Variants in PDZK1 observed in about 807,000 individuals in gnomAD.
The protein encoded by PDZK1 is PDZ domain containing 1.
PDZK1 carries 23 observed loss-of-function variants against 38.1 expected under a neutral mutation model. The observed-to-expected ratio is 0.60, with a 90% CI of 0.43 to 0.85. The LOEUF (loss-of-function observed/expected upper bound fraction) is 0.85. PDZK1 is among the 40% of genes least tolerant of loss of function. PDZK1 has a pLI of 0.00. For synonymous variants in PDZK1, 98 were observed against 186.2 expected (o/e 0.53, Z 3.86); for missense variants, 297 against 504.3 (o/e 0.59, Z 3.94).
At chr1:145,701,008 C>T (rs1655925262) in intron 1 of PDZK1, among the ~76,000 whole-genome samples, 1 of 151,980 alleles carries the variant, frequency 6.6e-6, no homozygotes, top group Non-Finnish European at 1.5e-5. Context: ...AGTTTGAGAC[C>T]AGCCTGACCA....
rs148152452 is a variant in PDZK1 at position 145,696,596 on chromosome 1, G to A, written c.-2-8573C>T. On this transcript the variant is annotated intron_variant, in intron 1 of 8. Transcript: ENST00000417171. ...GGGAGAAGACAGGAGAGGGGCCTCCGAGGACCCAAACCTGTTGACACCTTG... is the reference window on the plus strand; with the variant it reads ...GGGAGAAGACAGGAGAGGGGCCTCCAAGGACCCAAACCTGTTGACACCTTG... Among the ~76,000 whole-genome samples, 11 of 152,292 alleles carry A rather than the reference G, an allele frequency of 7.2e-5. No individual in the cohort carries two copies. In the South Asian group the frequency reaches 8.3e-4, roughly 11 times the overall value.
At chr1:145,684,207 C>CTTTTTT (rs1162290584) in intron 3 of PDZK1, among the ~76,000 whole-genome samples, 1 of 120,092 alleles carries the variant, frequency 8.3e-6, no homozygotes, top group East Asian at 2.3e-4. Flanking sequence ...GCATTTTTGG[C>CTTTTTT]TTTTTTTTTT....
chr1:145,676,019 A>G (rs188958216), intron 6 of PDZK1: 53 of 178,108 alleles, frequency 3.0e-4, no homozygotes, highest in African/African-American at 1.3e-3. Context: ...CTCTGTCTCA[A>G]AAAAAAAAAA....
At chr1:145,690,589 T>G (rs1396060133) in intron 1 of PDZK1, among the ~76,000 whole-genome samples, 1 of 152,216 alleles carries the variant, frequency 6.6e-6, no homozygotes, top group Non-Finnish European at 1.5e-5. Context: ...ACAGATACTA[T>G]GTTTTCATCA....
At chr1:145,697,458 A>G (rs1305545665) in intron 1 of PDZK1, among the ~76,000 whole-genome samples, 1 of 152,228 alleles carries the variant, frequency 6.6e-6, no homozygotes, top group Non-Finnish European at 1.5e-5. Context: ...GAATTTTAAG[A>G]TGGGATAGTT....
intron 8 of PDZK1, among the ~76,000 whole-genome samples, chr1:145,671,996 G>A (rs1653110840): frequency 6.6e-6 from 1 of 151,904 alleles, no homozygotes; most frequent in South Asian, 2.1e-4. Context: ...ATAATGGAAA[G>A]AAGAACAACA....
chr1:145,687,936 TC>T lies in PDZK1; in HGVS notation c.85del (p.Asp29ThrfsTer54). On this transcript the variant is annotated frameshift_variant, in exon 2 of 9. Coordinates refer to ENST00000417171, the MANE Select transcript of PDZK1 (RefSeq NM_001201325.2). LOFTEE classifies it high-confidence loss of function. ...NYGFFLRIEK[D>X]TEGHLVRVVE... Reference sequence around the variant, plus strand: ...CACCCGGACCAGGTGGCCCTCGGTGTCCTTCTCAATTCGCAGGAAGAAGCCA... The same window carrying T: ...CACCCGGACCAGGTGGCCCTCGGTGTCTTCTCAATTCGCAGGAAGAAGCCA... 1 of 1,612,624 alleles carries T rather than the reference TC, an allele frequency of 6.2e-7. No individual in the cohort carries two copies. The highest frequency in any genetic ancestry group is 8.5e-7 in the Non-Finnish European group (1 of 1,179,578).
chr1:145,677,065 G>T (rs1653754755), intron 6 of PDZK1, among the ~76,000 whole-genome samples: 1 of 152,132 alleles, frequency 6.6e-6, no homozygotes, highest in Admixed American at 6.5e-5. Context: ...ATATTACCAG[G>T]TATTCCAAGT....
Position 145,686,658 on chromosome 1 carries a change from C to A in PDZK1, c.279G>T (p.Glu93Asp). 1 of 1,587,922 alleles carries A rather than the reference C, an allele frequency of 6.3e-7. No homozygotes were observed. Among genetic ancestry groups the A allele is most frequent in the Non-Finnish European group, 8.6e-7 (1 of 1,161,654 alleles). ...TLLVLDGDSY[E>D]KAVKTRVDLK... ...AGTCCACCCGTGTTTTCACTGCTTT[C>A]TCATAGGAATCCCCATCCAGAACTA... is the stretch of plus-strand genomic sequence containing the variant. The change falls in exon 3 of 9, where the codon GAG (glutamate) becomes GAT (aspartate). Residue 93 changes from glutamate (E) to aspartate (D), a missense_variant. Glu to Asp is a conservative substitution (Grantham distance 45). Coordinates refer to ENST00000417171, the MANE Select transcript of PDZK1 (RefSeq NM_001201325.2).
chr1:145,679,664 A>T (rs1368394614), intron 5 of PDZK1, among the ~76,000 whole-genome samples: 2 of 152,046 alleles, frequency 1.3e-5, no homozygotes, highest in Non-Finnish European at 2.9e-5. Context: ...ACCTTACATA[A>T]TTACTGTATC....
chr1:145,683,597 A>C (rs1390455612), intron 3 of PDZK1, among the ~76,000 whole-genome samples: 1 of 152,164 alleles, frequency 6.6e-6, no homozygotes, highest in Non-Finnish European at 1.5e-5. Context: ...ATATTAATAG[A>C]GCAGTTCCCC....
chr1:145,673,791 C>T lies in PDZK1; in HGVS notation c.1081G>A (p.Glu361Lys), dbSNP rs1553698732. ...EAPAPTPTSLEVSSPPDTTEE... is the reference protein window; with the variant it reads ...EAPAPTPTSLKVSSPPDTTEE... Reference sequence around the variant, plus strand: ...GTAGTATCTGGTGGACTTGAGACTTCCAGAGAAGTGGGAGTAGGAGCTGGA... The same window carrying T: ...GTAGTATCTGGTGGACTTGAGACTTTCAGAGAAGTGGGAGTAGGAGCTGGA... Residue 361 changes from glutamate to lysine, a missense_variant, in exon 7 of 9, where the codon GAA (glutamate) becomes AAA (lysine). Physicochemically the swap from Glu to Lys is moderately conservative, Grantham distance 56. Transcript: ENST00000417171. 6 of 1,611,544 alleles carry T rather than the reference C, an allele frequency of 3.7e-6. No individual in the cohort carries two copies. In the Admixed American group the frequency reaches 8.3e-5, roughly 22 times the overall value.
At chr1:145,676,140 C>T in intron 6 of PDZK1, 1 of 977,966 alleles carries the variant, frequency 1.0e-6, no homozygotes, top group Non-Finnish European at 1.2e-6. Context: ...ACCCTCCACC[C>T]CAACCTACAG....
intron 6 of PDZK1, among the ~76,000 whole-genome samples, chr1:145,676,802 G>A (rs1653727942): frequency 6.6e-6 from 1 of 151,460 alleles, no homozygotes; most frequent in African/African-American, 2.4e-5. Context: ...CTTCTCCAAA[G>A]CCTTACTCAA....
chr1:145,686,622 C>G lies in PDZK1; in HGVS notation c.315G>C (p.Leu105Phe). 6.2e-7 allele frequency: 1 copy of G among 1,603,518 alleles called. No homozygotes were observed. The highest frequency in any genetic ancestry group is 8.5e-7 in the Non-Finnish European group (1 of 1,174,264). ...AACCTTGCTCCTTCTGACTTTGACC[C>G]AACTCTTTCAAGTCCACCCGTGTTT... Reference protein sequence around the residue: ...AVKTRVDLKELGQSQKEQGLS... With the variant: ...AVKTRVDLKEFGQSQKEQGLS... The change falls in exon 3 of 9, where the codon TTG becomes TTC. Residue 105 changes from leucine to phenylalanine, a missense_variant. Physicochemically the swap from Leu to Phe is conservative, Grantham distance 22 (BLOSUM62 0). Coordinates refer to ENST00000417171, the MANE Select transcript of PDZK1 (RefSeq NM_001201325.2).
intron 1 of PDZK1, among the ~76,000 whole-genome samples, chr1:145,702,085 C>G (rs917730585): frequency 3.3e-5 from 5 of 152,124 alleles, no homozygotes; most frequent in Non-Finnish European, 5.9e-5. Context: ...TCAATGAAAT[C>G]CATTCCATTG....
At chr1:145,684,599 CAG>C (rs1553701273) in intron 3 of PDZK1, among the ~76,000 whole-genome samples, 1 of 152,114 alleles carries the variant, frequency 6.6e-6, no homozygotes, top group East Asian at 1.9e-4. Flanking sequence ...ATGAACAAAT[CAG>C]GGTGTAATAT....
chr1:145,684,190 T>TGGC (rs1654531458), intron 3 of PDZK1, among the ~76,000 whole-genome samples: 1 of 148,836 alleles, frequency 6.7e-6, no homozygotes, highest in African/African-American at 2.5e-5. Context: ...CCAGCATCAC[T>TGGC]ATCCTTGCAT....
At chr1:145,680,722 C>A (rs1654163510) in intron 5 of PDZK1, among the ~76,000 whole-genome samples, 190 bp downstream of exon 5, 1 of 147,886 alleles carries the variant, frequency 6.8e-6, no homozygotes, top group African/African-American at 2.5e-5. Flanking sequence ...TCTGCCTTAT[C>A]ATAATGCTAT....
Sources: gnomAD v4.1 joint callset for allele counts (sites outside exome capture counted in the v4.1 genomes callset) on GRCh38, gnomAD v4.1.1 for gene constraint, MANE v1.5 for transcripts, NCBI Gene and HGNC (gene_info 2026-07-23, HGNC 2026-07-21) for gene names.